Variants in TNFSF11 observed in about 807,000 individuals in gnomAD.
The protein encoded by TNFSF11 is tumor necrosis factor ligand superfamily member 11.
In TNFSF11, 12 loss-of-function variants were observed where a neutral mutation model predicts 32.2. The ratio of observed to expected loss-of-function variants is 0.37; its 90% confidence interval spans 0.24 to 0.60. The LOEUF is 0.60. TNFSF11 is among the 20% of genes least tolerant of loss of function. The probability of loss-of-function intolerance (pLI) is 0.66; values close to 1 mark genes in which losing one functional copy is unlikely to be tolerated. For missense variants in TNFSF11, 345 were observed against 398.0 expected (o/e 0.87, Z 1.13); for synonymous variants, 172 against 152.1 (o/e 1.13, Z -0.96).
At chr13:42,564,272 T>G (rs1872789870) in intron 1 of TNFSF11, among the ~76,000 whole-genome samples, 1 of 152,180 alleles carries the variant, frequency 6.6e-6, no homozygotes, top group Non-Finnish European at 1.5e-5. Context: ...AAGAATTATT[T>G]AAAAATTATT....
At chr13:42,606,419 C>T (rs1203806803) in intron 4 of TNFSF11, 78 bp from the exon 5 acceptor site, 1 of 1,569,084 alleles carries the variant, frequency 6.4e-7, no homozygotes, top group Non-Finnish European at 8.8e-7. Flanking sequence ...ATTTTTTCTC[C>T]CTAACCTCAT....
intron 1 of TNFSF11, among the ~76,000 whole-genome samples, chr13:42,575,921 C>A (rs1051565242): frequency 1.3e-5 from 2 of 152,174 alleles, no homozygotes. Flanking sequence ...TTGTTAATAA[C>A]CCCCATTTAG....
intron 2 of TNFSF11, among the ~76,000 whole-genome samples, chr13:42,581,719 T>A (rs1322143343): frequency 6.6e-6 from 1 of 152,210 alleles, no homozygotes. Context: ...CCACATCTGT[T>A]GATCCAGGGC....
At chr13:42,577,341 T>C (rs535474724) in intron 1 of TNFSF11, among the ~76,000 whole-genome samples, 131 of 152,288 alleles carry the variant, frequency 8.6e-4, no homozygotes, top group East Asian at 5.8e-4. Context: ...TGAATCAGCC[T>C]CCTAAATGTT....
At chr13:42,566,356 T>C (rs1594453973) in intron 1 of TNFSF11, among the ~76,000 whole-genome samples, 1 of 152,222 alleles carries the variant, frequency 6.6e-6, no homozygotes, top group East Asian at 1.9e-4. Context: ...CCAGAAGCAA[T>C]GGGGACTGAC....
intron 4 of TNFSF11, among the ~76,000 whole-genome samples, chr13:42,603,283 G>T (rs1178061384): frequency 1.3e-5 from 2 of 152,148 alleles, no homozygotes; most frequent in Non-Finnish European, 2.9e-5. Context: ...TCTTTAGGAG[G>T]ATACTCAGGC....
At chr13:42,602,592 C>T (rs922415631) in intron 4 of TNFSF11, among the ~76,000 whole-genome samples, 1 of 152,200 alleles carries the variant, frequency 6.6e-6, no homozygotes, top group African/African-American at 2.4e-5. Flanking sequence ...AATAATTTGT[C>T]TCACTGTGTG....
chr13:42,564,561 C>T (rs1460657313), intron 1 of TNFSF11, among the ~76,000 whole-genome samples: 1 of 150,838 alleles, frequency 6.6e-6, no homozygotes, highest in African/African-American at 2.4e-5. Context: ...GAATGAAACT[C>T]CATTTCAAAA....
chr13:42,599,349 CATCT>C (rs1555310744), intron 2 of TNFSF11, among the ~76,000 whole-genome samples: 59 of 112,246 alleles, frequency 5.3e-4, no homozygotes, highest in African/African-American at 1.9e-3. Context: ...ATCTATCTAT[CATCT>C]ATCTATCTAT....
intron 1 of TNFSF11, among the ~76,000 whole-genome samples, chr13:42,565,412 T>C (rs766453869): frequency 3.3e-5 from 5 of 152,154 alleles, no homozygotes; most frequent in Non-Finnish European, 7.4e-5. Context: ...TTTTTCAATG[T>C]TACTACAACA....
intron 2 of TNFSF11, among the ~76,000 whole-genome samples, chr13:42,595,491 C>G (rs1868756691): frequency 6.6e-6 from 1 of 152,174 alleles, no homozygotes; most frequent in African/African-American, 2.4e-5. Flanking sequence ...TCCTGGGAAG[C>G]TGGACATGGG....
intron 2 of TNFSF11, among the ~76,000 whole-genome samples, chr13:42,592,762 A>G (rs892463806): frequency 4.6e-5 from 7 of 152,030 alleles, no homozygotes; most frequent in Non-Finnish European, 1.0e-4. Flanking sequence ...AGGTAGAGGT[A>G]ATTGGATCAT....
intron 1 of TNFSF11, among the ~76,000 whole-genome samples, chr13:42,578,722 C>T (rs565977878): frequency 5.3e-5 from 8 of 150,564 alleles, no homozygotes; most frequent in African/African-American, 1.7e-4. Flanking sequence ...TGAAATTGGC[C>T]AGTGAGGGGT....
intron 4 of TNFSF11, among the ~76,000 whole-genome samples, chr13:42,602,364 T>G (rs1869220676): frequency 6.6e-6 from 1 of 152,236 alleles, no homozygotes; most frequent in Admixed American, 6.5e-5. Flanking sequence ...TAAATAATTA[T>G]ACATATTCCA....
intron 2 of TNFSF11, among the ~76,000 whole-genome samples, chr13:42,585,791 G>T (rs1873868008): frequency 6.6e-6 from 1 of 152,182 alleles, no homozygotes; most frequent in Non-Finnish European, 1.5e-5. Context: ...TACATTCTGA[G>T]CACTTGAGCT....
At chr13:42,599,349 C>CATCCATCT (rs1555310745) in intron 2 of TNFSF11, among the ~76,000 whole-genome samples, 40 of 112,246 alleles carry the variant, frequency 3.6e-4, no homozygotes, top group Non-Finnish European at 4.6e-4. Flanking sequence ...ATCTATCTAT[C>CATCCATCT]ATCTATCTAT....
At chr13:42,595,943 C>A (rs1304557876) in intron 2 of TNFSF11, among the ~76,000 whole-genome samples, 1 of 152,142 alleles carries the variant, frequency 6.6e-6, no homozygotes, top group Non-Finnish European at 1.5e-5. Context: ...ATTAATCTGA[C>A]AGATGTAGAG....
intron 2 of TNFSF11, among the ~76,000 whole-genome samples, chr13:42,583,281 C>T (rs1382588285): frequency 1.3e-5 from 2 of 151,204 alleles, no homozygotes; most frequent in Non-Finnish European, 2.9e-5. Flanking sequence ...GGCATGGCAA[C>T]CTGTGCTGTA....
At position 42,583,444 on chromosome 13, in the gene TNFSF11, G is replaced by GAAAAAAAAAAAA. The variant is rs71202227; in HGVS notation, c.387+2153_387+2154insAAAAAAAAAAAA. ...AAAAAAAAAAAAAAAAAAAAGAAAG[G>GAAAAAAAAAAAA]AAGAAAGGAAGGAAGGAAAAAGATT... On this transcript the variant is annotated intron_variant, in intron 2 of 4. Coordinates refer to ENST00000398795, the MANE Select transcript of TNFSF11 (RefSeq NM_003701.4). 2.0e-3 allele frequency among the ~76,000 whole-genome samples: 191 copies of GAAAAAAAAAAAA among 95,504 alleles called. 7 individuals carry two copies. Among genetic ancestry groups the GAAAAAAAAAAAA allele is most frequent in the African/African-American group, 5.9e-3 (127 of 21,490 alleles). The allele number at this position is 95,504 out of a possible 152,430, so 62.7% of individuals were successfully genotyped here. A position where few individuals can be genotyped will look rare whatever the true frequency, so the allele number is the denominator to read the frequency against.
Sources: allele counts gnomAD v4.1 joint callset (sites outside exome capture counted in the v4.1 genomes callset), GRCh38; gene constraint gnomAD v4.1.1; transcripts MANE v1.5; gene names NCBI Gene and HGNC (gene_info 2026-07-23, HGNC 2026-07-21).